Variants in IFRD1 observed in about 807,000 individuals in gnomAD.
IFRD1 encodes interferon-related developmental regulator 1.
IFRD1 carries 35 observed loss-of-function variants against 52.9 expected under a neutral mutation model. That is an observed-to-expected ratio of 0.66 (90% CI 0.51 to 0.88). The LOEUF (loss-of-function observed/expected upper bound fraction) is 0.88. Among genes scored for constraint, IFRD1 ranks in the 40% least tolerant of loss-of-function variants. The pLI is 0.00. For synonymous variants in IFRD1, 184 were observed against 188.4 expected, an observed-to-expected ratio of 0.98 and a Z score of 0.19; for missense variants, 517 against 550.8, an observed-to-expected ratio of 0.94 and a Z score of 0.61.
chr7:112,464,562 G>C (rs1206042709), intron 8 of IFRD1, among the ~76,000 whole-genome samples: 2 of 152,142 alleles, frequency 1.3e-5, no homozygotes, highest in African/African-American at 2.4e-5. Flanking sequence ...ACCTCATAGA[G>C]TTTTTGAGAA....
intron 1 of IFRD1, among the ~76,000 whole-genome samples, chr7:112,428,791 G>C (rs1794485114): frequency 6.6e-6 from 1 of 152,090 alleles, no homozygotes; most frequent in Non-Finnish European, 1.5e-5. Flanking sequence ...TTTAAAGCTG[G>C]TATTAGCTTC....
intron 9 of IFRD1, among the ~76,000 whole-genome samples, chr7:112,469,783 G>A (rs1314832207): frequency 6.6e-6 from 1 of 152,132 alleles, no homozygotes; most frequent in East Asian, 1.9e-4. Context: ...CCTTTGTTGT[G>A]TATTCCTCAG....
At chr7:112,455,320 A>G (rs942218348) in intron 1 of IFRD1, among the ~76,000 whole-genome samples, 2 of 151,998 alleles carry the variant, frequency 1.3e-5, no homozygotes, top group African/African-American at 4.8e-5. Context: ...TGTCTCTACT[A>G]AAAATACACA....
chr7:112,463,545 A>G (rs1795519779), intron 8 of IFRD1, among the ~76,000 whole-genome samples: 2 of 152,146 alleles, frequency 1.3e-5, no homozygotes, highest in Admixed American at 1.3e-4. Context: ...TAATGTTGTC[A>G]GTAGCTAATA....
chr7:112,456,066 T>C lies in IFRD1; in HGVS notation c.264T>C (p.Ile88=). The C allele has an allele frequency of 6.2e-7, 1 of 1,603,408 alleles. No homozygotes were observed. Among genetic ancestry groups the C allele is most frequent in the Non-Finnish European group, 8.5e-7 (1 of 1,170,336 alleles). ...TAGAGTACAAGTTGAAGGGATTAAT[T>C]GACCTAACCCTGGATAAGAGGTAGG... ...EDLEYKLKGL[I]DLTLDKSAKT... is the part of the protein sequence containing the mutation. The change falls in exon 3 of 12, where the codon ATT becomes ATC. Residue 88 remains isoleucine (I), a synonymous_variant. Transcript: ENST00000403825.
intron 1 of IFRD1, among the ~76,000 whole-genome samples, chr7:112,455,227 T>C (rs1795260158): frequency 6.6e-6 from 1 of 151,768 alleles, no homozygotes; most frequent in Admixed American, 6.6e-5. Flanking sequence ...CTCACACCTG[T>C]AATCTCAGCA....
chr7:112,472,295 C>T lies in IFRD1; in HGVS notation c.1118C>T (p.Thr373Ile). Residue 373 changes from threonine to isoleucine, a missense_variant, in exon 10 of 12, where the codon ACC (threonine) becomes ATC (isoleucine). By Grantham distance (89) the Thr-to-Ile change is moderately conservative (BLOSUM62 -1). Coordinates refer to ENST00000403825, the MANE Select transcript of IFRD1 (RefSeq NM_001550.4). The part of the protein sequence containing the change: ...MYIDCWVKKH[T>I]YDTFKEVLGS... Reference sequence around the variant, plus strand: ...ATTGATTGCTGGGTAAAAAAACACACCTATGACACCTTTAAGGAGGTTCTT... The same window carrying T: ...ATTGATTGCTGGGTAAAAAAACACATCTATGACACCTTTAAGGAGGTTCTT... 6.2e-7 allele frequency: 1 copy of T among 1,613,936 alleles called. No homozygotes were observed. The highest frequency in any genetic ancestry group is 1.7e-5 in the Admixed American group (1 of 60,004).
chr7:112,425,861 A>AT (rs1794417832), intron 1 of IFRD1, among the ~76,000 whole-genome samples: 1 of 151,856 alleles, frequency 6.6e-6, no homozygotes, highest in African/African-American at 2.4e-5. Context: ...TCATCATCCT[A>AT]TTTTTTCTGT....
intron 8 of IFRD1, among the ~76,000 whole-genome samples, chr7:112,465,023 T>TA (rs1795572148): frequency 6.6e-6 from 1 of 152,176 alleles, no homozygotes; most frequent in Non-Finnish European, 1.5e-5. Flanking sequence ...CTGCCTTGAT[T>TA]AGCAGGAATT....
intron 1 of IFRD1, among the ~76,000 whole-genome samples, chr7:112,443,725 A>G (rs548607867): frequency 3.3e-5 from 5 of 152,070 alleles, no homozygotes; most frequent in African/African-American, 1.2e-4. Context: ...TAAATTAGCC[A>G]GGCATGGTGG....
upstream of IFRD1, among the ~76,000 whole-genome samples, chr7:112,449,654 A>G (rs145869395): frequency 3.5e-4 from 54 of 152,346 alleles, 1 homozygote; most frequent in Non-Finnish European, 6.6e-4. Flanking sequence ...ATTGATCTGT[A>G]TAACTTGTGT....
intron 4 of IFRD1, 140 bp downstream of exon 4, chr7:112,457,178 T>C: frequency 1.2e-6 from 1 of 850,224 alleles, no homozygotes; most frequent in Non-Finnish European, 1.9e-6. Context: ...ACCATCTTGT[T>C]ATGGCTCAAA....
intron 8 of IFRD1, among the ~76,000 whole-genome samples, chr7:112,463,896 C>A (rs1264744069): frequency 3.3e-4 from 13 of 39,126 alleles, no homozygotes; most frequent in Non-Finnish European, 5.7e-4. Context: ...ACACACACAC[C>A]CCACGTATCT....
chr7:112,434,066 G>C lies in IFRD1; in HGVS notation c.-182+10634G>C, dbSNP rs190434362. Among the ~76,000 whole-genome samples, 3 of 152,180 alleles carry C rather than the reference G, an allele frequency of 2.0e-5. No homozygotes were observed. In the East Asian group the frequency reaches 5.8e-4, roughly 29 times the overall value. On this transcript the variant is annotated intron_variant, in intron 1 of 12. Coordinates refer to the IFRD1 transcript ENST00000005558. ...CGAACTCCTGAGCTCAAAGTGATTA[G>C]CCTGCTTTGGCGTCCCAAAGTGCTA...
At position 112,477,117 on chromosome 7, in the gene IFRD1, T is replaced by C. The variant is rs923878763; in HGVS notation, c.*1598T>C. On this transcript the variant is annotated 3_prime_UTR_variant, in exon 12 of 12. Coordinates refer to ENST00000403825, the MANE Select transcript of IFRD1 (RefSeq NM_001550.4). ...ATGGAAAAGAGATTGCAAATGGTAG[T>C]TTCTTCTAGATATTCAAATGCATAT... 2 of 152,222 alleles carry C rather than the reference T, an allele frequency of 1.3e-5. No individual in the cohort carries two copies. Among genetic ancestry groups the C allele is most frequent in the Admixed American group, 1.3e-4 (2 of 15,276 alleles). The allele number at this position is 152,222 out of a possible 1,614,324, so 9.4% of individuals were successfully genotyped here.
intron 1 of IFRD1, among the ~76,000 whole-genome samples, chr7:112,454,485 AC>A (rs1052200420): frequency 3.0e-4 from 46 of 152,052 alleles, no homozygotes; most frequent in African/African-American, 9.6e-4. Flanking sequence ...GAGCCACCGC[AC>A]CCGGCCAGCA....
chr7:112,435,099 T>C (rs897975512), intron 1 of IFRD1, among the ~76,000 whole-genome samples: 8 of 152,198 alleles, frequency 5.3e-5, no homozygotes, highest in African/African-American at 1.9e-4. Context: ...GCAAGATGCC[T>C]TTTATAGGTT....
At chr7:112,443,395 A>T (rs906246156) in intron 1 of IFRD1, among the ~76,000 whole-genome samples, 10 of 147,846 alleles carry the variant, frequency 6.8e-5, no homozygotes, top group Non-Finnish European at 1.5e-4. Context: ...GCAACACAGC[A>T]AGACCTCATT....
intron 1 of IFRD1, among the ~76,000 whole-genome samples, chr7:112,424,506 C>G (rs1243644567): frequency 6.6e-6 from 1 of 152,004 alleles, no homozygotes; most frequent in Non-Finnish European, 1.5e-5. Flanking sequence ...CCTCCGCCTC[C>G]CAGGTTCAAG....
Sources: allele counts gnomAD v4.1 joint callset (sites outside exome capture counted in the v4.1 genomes callset), GRCh38; gene constraint gnomAD v4.1.1; transcripts MANE v1.5; gene names NCBI Gene and HGNC (gene_info 2026-07-23, HGNC 2026-07-21).